ANKRD17: variants seen among roughly 807,000 people sequenced by gnomAD.
The protein encoded by ANKRD17 is ankyrin repeat domain 17.
Under a neutral mutation model 229.7 loss-of-function variants are expected in ANKRD17, and 19 were observed. The ratio of observed to expected loss-of-function variants is 0.08; its 90% CI spans 0.06 to 0.12. The LOEUF is 0.12. Ranked by LOEUF, ANKRD17 falls within the 10% of genes least tolerant of loss-of-function variation. The pLI is 1.00. For synonymous variants in ANKRD17, 1,112 were observed against 1,146.1 expected, an observed-to-expected ratio of 0.97 and a Z score of 0.60; for missense variants, 2,176 against 3,176.8, an observed-to-expected ratio of 0.68 and a Z score of 7.57.
At chr4:73,244,949 T>C (rs1399627868) in intron 1 of ANKRD17, among the ~76,000 whole-genome samples, 1 of 152,160 alleles carries the variant, frequency 6.6e-6, no homozygotes, top group Admixed American at 6.5e-5. Flanking sequence ...ATATGGTGTG[T>C]TGGCTATTTA....
Position 73,177,384 on chromosome 4 carries a change from A to T in ANKRD17, c.543T>A (p.Ala181=). 6.2e-7 allele frequency: 1 copy of T among 1,607,896 alleles called. No homozygotes were observed. Among genetic ancestry groups the T allele is most frequent in the South Asian group, 1.1e-5 (1 of 90,182 alleles). The change falls in exon 2 of 34, where the codon GCT becomes GCA. Residue 181 remains alanine (A), a synonymous_variant. Coordinates refer to ENST00000358602, the MANE Select transcript of ANKRD17 (RefSeq NM_032217.5). The part of the protein sequence containing the change: ...TQARLEALLE[A]AGIGKLSTAD... ...ATTACTATGTAGAGTACATACCTGC[A>T]GCTTCTAGTAAAGCTTCCAGTCTAG... is the stretch of plus-strand genomic sequence containing the variant.
intron 29 of ANKRD17, 137 bp downstream of exon 29, chr4:73,090,530 A>C (rs998181954): frequency 9.3e-7 from 1 of 1,072,632 alleles, no homozygotes; most frequent in Non-Finnish European, 1.3e-6. Context: ...AAACACAAAC[A>C]ACAGCATCTG....
At chr4:73,206,311 C>T (rs1739419830) in intron 1 of ANKRD17, among the ~76,000 whole-genome samples, 1 of 151,656 alleles carries the variant, frequency 6.6e-6, no homozygotes, top group Non-Finnish European at 1.5e-5. Context: ...CACCATTGTT[C>T]ACAACCACCA....
chr4:73,177,884 G>A (rs986882465), intron 1 of ANKRD17, among the ~76,000 whole-genome samples: 2 of 152,122 alleles, frequency 1.3e-5, no homozygotes, highest in Non-Finnish European at 2.9e-5. Context: ...TAAATCAGCA[G>A]TTTTTAAATG....
At chr4:73,201,615 C>G (rs1391467194) in intron 1 of ANKRD17, among the ~76,000 whole-genome samples, 2 of 152,090 alleles carry the variant, frequency 1.3e-5, no homozygotes, top group Non-Finnish European at 2.9e-5. Flanking sequence ...ATTAATTTTT[C>G]TAACACAGGC....
At chr4:73,213,970 A>G (rs1014768484) in intron 1 of ANKRD17, among the ~76,000 whole-genome samples, 7 of 152,192 alleles carry the variant, frequency 4.6e-5, no homozygotes, top group African/African-American at 1.7e-4. Context: ...AATATTTCAT[A>G]TATCTGTTTC....
intron 1 of ANKRD17, among the ~76,000 whole-genome samples, chr4:73,209,842 C>T (rs982168033): frequency 2.0e-5 from 3 of 152,106 alleles, no homozygotes; most frequent in Non-Finnish European, 4.4e-5. Flanking sequence ...TGGAAAATCA[C>T]AGGATCACCT....
At chr4:73,138,092 A>AT (rs1429657221) in intron 15 of ANKRD17, among the ~76,000 whole-genome samples, 1 of 152,156 alleles carries the variant, frequency 6.6e-6, no homozygotes, top group African/African-American at 2.4e-5. Context: ...CACTATTATG[A>AT]TCTGAATTCA....
intron 29 of ANKRD17, among the ~76,000 whole-genome samples, chr4:73,087,166 G>A (rs1010031801): frequency 1.3e-5 from 2 of 150,642 alleles, no homozygotes; most frequent in African/African-American, 2.4e-5. Flanking sequence ...GCTCACCCCA[G>A]CCTCCATCTA....
In ANKRD17 at chr4:73,258,797, C is replaced by T; in HGVS notation, c.-129G>A. ...GCCGCCACCGCCTCGGTCACCTCTA[C>T]TGCCGCCGCCGCCGCCGCCGCTCCG... On this transcript the variant is annotated 5_prime_UTR_variant, in exon 1 of 34. Coordinates refer to ENST00000358602, the MANE Select transcript of ANKRD17 (RefSeq NM_032217.5). 7.7e-7 allele frequency: 1 copy of T among 1,305,242 alleles called. No individual in the cohort carries two copies. Among genetic ancestry groups the T allele is most frequent in the Non-Finnish European group, 9.7e-7 (1 of 1,030,644 alleles). 80.9% of individuals were successfully genotyped at this position (1,305,242 alleles called of 1,614,324 possible). A position where few individuals can be genotyped will look rare whatever the true frequency, so the allele number is the denominator to read the frequency against.
intron 5 of ANKRD17, among the ~76,000 whole-genome samples, chr4:73,154,706 A>G (rs1286362781): frequency 1.3e-5 from 2 of 152,176 alleles, no homozygotes; most frequent in Non-Finnish European, 2.9e-5. Flanking sequence ...TAAAATAAGA[A>G]TTTCTAAAAA....
At chr4:73,170,911 G>GTTCC in intron 2 of ANKRD17, among the ~76,000 whole-genome samples, 1 of 152,246 alleles carries the variant, frequency 6.6e-6, no homozygotes, top group Admixed American at 6.5e-5. Context: ...CTGGCTCCCA[G>GTTCC]ATGGCATCTA....
In ANKRD17 at chr4:73,142,275, A is replaced by G; in HGVS notation, c.2196T>C (p.Thr732=). The G allele has an allele frequency of 6.4e-7, 1 of 1,556,010 alleles. No homozygotes were observed. The highest frequency in any genetic ancestry group is 2.4e-5 in the Admixed American group (1 of 40,976). ...NLLSAPPPDV[T]QLTPPSHDLN... is the part of the protein sequence containing the mutation. ...AATCGTGGGATGGGGGAGTTAACTGAGTGACATCTGGTGGAGGGGCTGAAA... is the reference window on the plus strand; with the variant it reads ...AATCGTGGGATGGGGGAGTTAACTGGGTGACATCTGGTGGAGGGGCTGAAA... Residue 732 remains threonine, a synonymous_variant, in exon 13 of 34, where the codon ACT becomes ACC. Coordinates refer to ENST00000358602, the MANE Select transcript of ANKRD17 (RefSeq NM_032217.5).
Position 73,245,865 on chromosome 4 carries a change from C to T in ANKRD17, c.393+12411G>A, listed in dbSNP as rs1387459063. 2.0e-5 allele frequency among the ~76,000 whole-genome samples: 3 copies of T among 152,036 alleles called. No homozygotes were observed. The East Asian group carries it at 5.8e-4, about 29-fold the overall frequency. On this transcript the variant is annotated intron_variant, in intron 1 of 33. Transcript: ENST00000358602. ...TTGCTATAGTTATTGTTACATAGTC[C>T]CGATCTAAGAAAAACAGAAAAGAAA...
chr4:73,258,503 G>A lies in ANKRD17; in HGVS notation c.166C>T (p.Arg56Ter). The A allele has an allele frequency of 6.4e-7, 1 of 1,558,946 alleles. No individual in the cohort carries two copies. Among genetic ancestry groups the A allele is most frequent in the Non-Finnish European group, 8.7e-7 (1 of 1,154,556 alleles). Residue 56 changes from arginine (R) to a stop codon, truncating the protein, a stop_gained, in exon 1 of 34, where the codon CGA (arginine) becomes TGA (stop). Coordinates refer to ENST00000358602, the MANE Select transcript of ANKRD17 (RefSeq NM_032217.5). LOFTEE classifies it high-confidence loss of function. ...RSASSPRGMV[R>*]VCDLLLKKKP... is the part of the protein sequence containing the mutation. ...TTCTTCAGGAGCAGGTCGCAGACTC[G>A]CACCATCCCACGAGGAGACGAGGCC...
chr4:73,251,739 T>C (rs1248437950), intron 1 of ANKRD17, among the ~76,000 whole-genome samples: 1 of 152,130 alleles, frequency 6.6e-6, no homozygotes, highest in Non-Finnish European at 1.5e-5. Flanking sequence ...TTTTAACCCA[T>C]TAAATTATCC....
chr4:73,193,334 T>C (rs763070408), intron 1 of ANKRD17, among the ~76,000 whole-genome samples: 16 of 152,204 alleles, frequency 1.1e-4, no homozygotes, highest in Non-Finnish European at 1.8e-4. Flanking sequence ...TTAAATACAC[T>C]ACTTTATGCA....
intron 25 of ANKRD17, among the ~76,000 whole-genome samples, chr4:73,102,113 G>C (rs1724078191): frequency 6.6e-6 from 1 of 151,812 alleles, no homozygotes; most frequent in African/African-American, 2.4e-5. Flanking sequence ...ACTGTGTCCA[G>C]ATAATTAAAA....
chr4:73,161,416 T>G (rs1732505679), intron 2 of ANKRD17, 68 bp from the exon 3 acceptor site: 1 of 1,521,882 alleles, frequency 6.6e-7, no homozygotes, highest in African/African-American at 1.4e-5. Flanking sequence ...TTCAAGTTAC[T>G]TAAAGCTATA....
Sources: allele counts gnomAD v4.1 joint callset (sites outside exome capture counted in the v4.1 genomes callset), GRCh38; gene constraint gnomAD v4.1.1; transcripts MANE v1.5; gene names NCBI Gene and HGNC (gene_info 2026-07-23, HGNC 2026-07-21).